The following ZC3H13 variants were observed in gnomAD, a reference collection of about 807,000 sequenced individuals.
The protein encoded by ZC3H13 is zinc finger CCCH domain-containing protein 13.
ZC3H13 carries 64 observed loss-of-function variants against 204.1 expected under a neutral mutation model. That is an observed-to-expected ratio of 0.31 (90% CI 0.26 to 0.39). ZC3H13 has a LOEUF of 0.39. Ranked by LOEUF, ZC3H13 falls within the 10% of genes least tolerant of loss-of-function variation. The pLI is 1.00. For synonymous variants in ZC3H13, 667 were observed against 693.7 expected (o/e 0.96, Z 0.60); for missense variants, 1,833 against 2,082.7 (o/e 0.88, Z 2.33).
chr13:46,010,485 T>G lies in ZC3H13; in HGVS notation c.609A>C (p.Arg203Ser), dbSNP rs1432170021. Residue 203 changes from arginine to serine, a missense_variant, in exon 7 of 19, where the codon AGA becomes AGC. Around this residue, in one of 5 missense-constraint regions of ZC3H13, gnomAD observed 1,574 missense variants for 1,757.2 expected, o/e 0.90. Transcript: ENST00000679008. ...GAGAAGGTGACGGGGACAATTTTGA[T>G]CTAACCACTTCTGGTGAAACCTTTA... is the stretch of plus-strand genomic sequence containing the variant. The part of the protein sequence containing the change: ...IKKEVSPEVV[R>S]SKLSPSPSLR... 1.9e-6 allele frequency: 3 copies of G among 1,612,770 alleles called. No individual in the cohort carries two copies. In the Admixed American group the frequency reaches 5.0e-5, roughly 27 times the overall value.
At chr13:46,045,212 T>C (rs961894026) in intron 2 of ZC3H13, 148 bp from the exon 3 acceptor site, 77 of 971,062 alleles carry the variant, frequency 7.9e-5, no homozygotes, top group Admixed American at 5.3e-4. Context: ...AGGAAAAAAA[T>C]ATGGAAAAAC....
chr13:46,021,482 A>T (rs1333565520), intron 4 of ZC3H13, among the ~76,000 whole-genome samples: 1 of 151,154 alleles, frequency 6.6e-6, no homozygotes, highest in Non-Finnish European at 1.5e-5. Context: ...TAAGTGCTCA[A>T]ATTTCTTTCT....
intron 16 of ZC3H13, 43 bp downstream of exon 16, chr13:45,965,237 T>C: frequency 1.2e-6 from 2 of 1,602,112 alleles, no homozygotes; most frequent in South Asian, 1.1e-5. Context: ...TAATATCATA[T>C]AACAGATAAT....
At chr13:45,996,680 T>C (rs1289344820) in intron 8 of ZC3H13, among the ~76,000 whole-genome samples, 3 of 150,104 alleles carry the variant, frequency 2.0e-5, no homozygotes, top group African/African-American at 4.9e-5. Context: ...GCAGTTCGAG[T>C]AACCCTTATT....
chr13:45,999,803 T>C (rs1186275627), intron 8 of ZC3H13, among the ~76,000 whole-genome samples: 1 of 143,548 alleles, frequency 7.0e-6, no homozygotes. Flanking sequence ...ATGGCAGTTG[T>C]GGCCTTATAA....
intron 4 of ZC3H13, among the ~76,000 whole-genome samples, chr13:46,027,318 C>G: frequency 6.6e-6 from 1 of 152,138 alleles, no homozygotes; most frequent in South Asian, 2.1e-4. Context: ...GTTGCCCAGG[C>G]TGATCTTGAA....
rs767335899 is a variant in ZC3H13 at position 45,989,018 on chromosome 13, T to C, written c.1024A>G (p.Ile342Val). The part of the protein sequence containing the change: ...HSSSSQSGSS[I>V]QRHSPSPRRK... ...CGAGGAGAAGGAGAATGTCTTTGAA[T>C]AGATGATCCTGATTGTGAGGAAGAT... Residue 342 changes from isoleucine to valine, a missense_variant, in exon 9 of 19, where the codon ATT becomes GTT. Around this residue, in one of 5 missense-constraint regions of ZC3H13, gnomAD observed 1,574 missense variants for 1,757.2 expected, o/e 0.90. Transcript: ENST00000679008. 3 of 1,614,134 alleles carry C rather than the reference T, an allele frequency of 1.9e-6. No homozygotes were observed. Among genetic ancestry groups the C allele is most frequent in the Non-Finnish European group, 2.5e-6 (3 of 1,180,024 alleles).
At chr13:45,983,993 A>C (rs964277998) in intron 10 of ZC3H13, among the ~76,000 whole-genome samples, 2 of 152,236 alleles carry the variant, frequency 1.3e-5, no homozygotes, top group Non-Finnish European at 2.9e-5. Flanking sequence ...ACAGTTATTC[A>C]CTAAAGCACT....
At chr13:46,016,677 G>C (rs2041926284) in intron 5 of ZC3H13, among the ~76,000 whole-genome samples, 1 of 152,114 alleles carries the variant, frequency 6.6e-6, no homozygotes, top group South Asian at 2.1e-4. Flanking sequence ...TGTTCAGTCT[G>C]TGAACATCCA....
chr13:46,004,538 T>G (rs192097680), intron 7 of ZC3H13, among the ~76,000 whole-genome samples: 1 of 152,134 alleles, frequency 6.6e-6, no homozygotes, highest in Admixed American at 6.5e-5. Flanking sequence ...AGACTCTAAC[T>G]CAAAATAAAA....
At chr13:46,004,137 A>ACT (rs1326727854) in intron 7 of ZC3H13, among the ~76,000 whole-genome samples, 1 of 78,588 alleles carries the variant, frequency 1.3e-5, no homozygotes, top group Non-Finnish European at 2.4e-5. Flanking sequence ...GGAAATGGTA[A>ACT]CTCTGTGTGT....
chr13:45,976,117 C>A, intron 11 of ZC3H13: 1 of 954,964 alleles, frequency 1.0e-6, no homozygotes, highest in Non-Finnish European at 1.2e-6. Context: ...TCTTTCTCTG[C>A]ATGCTCCCTA....
rs2137906253 is a variant in ZC3H13, at chr13:45,969,464, T to C, written c.3080A>G (p.Lys1027Arg). ...SDEEAAQQSKKKRGPRTPPIT... is the reference protein window; with the variant it reads ...SDEEAAQQSKRKRGPRTPPIT... ...AGGGGGAGTCCGTGGGCCTCTTTTC[T>C]TCTTACTTTGCTGGGCTGCTTCTTC... Residue 1027 changes from lysine (K) to arginine (R), a missense_variant, in exon 14 of 19, where the codon AAG becomes AGG. Coordinates refer to ENST00000679008, the MANE Select transcript of ZC3H13 (RefSeq NM_001330564.2). The C allele has an allele frequency of 1.9e-6, 3 of 1,613,392 alleles. No individual in the cohort carries two copies. In the African/African-American group the frequency reaches 4.0e-5, roughly 22 times the overall value.
intron 7 of ZC3H13, among the ~76,000 whole-genome samples, chr13:46,007,284 G>A (rs2041223585): frequency 6.6e-6 from 1 of 152,098 alleles, no homozygotes; most frequent in Non-Finnish European, 1.5e-5. Context: ...ACCACCTCCA[G>A]GCCCAAATTT....
At chr13:46,038,951 G>C (rs1182519069) in intron 4 of ZC3H13, among the ~76,000 whole-genome samples, 2 of 152,162 alleles carry the variant, frequency 1.3e-5, no homozygotes, top group Non-Finnish European at 2.9e-5. Flanking sequence ...GAACCTAGGA[G>C]GCAGAGGTTG....
intron 5 of ZC3H13, among the ~76,000 whole-genome samples, chr13:46,014,535 T>C (rs1279048578): frequency 6.6e-6 from 1 of 152,254 alleles, no homozygotes; most frequent in African/African-American, 2.4e-5. Context: ...TTTAACCTTT[T>C]TCCAATGAGT....
chr13:45,974,861 T>C (rs1467472879), intron 12 of ZC3H13, among the ~76,000 whole-genome samples: 2 of 152,122 alleles, frequency 1.3e-5, no homozygotes, highest in Admixed American at 6.5e-5. Context: ...AAAACTTTTT[T>C]TTTTTTTCCT....
rs577185812 is a variant in ZC3H13, at chr13:46,039,296, C to T, written c.339+2868G>A. ...TTATGATAAACAACACACTTACATT[C>T]AGTTAACTGTCAACAACCTAAATCT... On this transcript the variant is annotated intron_variant, in intron 4 of 18. Coordinates refer to ENST00000679008, the MANE Select transcript of ZC3H13 (RefSeq NM_001330564.2). Among the ~76,000 whole-genome samples the T allele has an allele frequency of 5.9e-5, 9 of 152,286 alleles. No homozygotes were observed. The South Asian group carries it at 6.2e-4, about 11-fold the overall frequency.
rs1180450418 is a variant in ZC3H13, at chr13:45,956,614, C to A, written c.*513G>T. ...TTAAAAAACTTTCAAAAGGAAAAAACTATTTTGGCTTCCTTCTGCTGAAAT... is the reference window on the plus strand; with the variant it reads ...TTAAAAAACTTTCAAAAGGAAAAAAATATTTTGGCTTCCTTCTGCTGAAAT... On this transcript the variant is annotated 3_prime_UTR_variant, in exon 19 of 19. Coordinates refer to ENST00000679008, the MANE Select transcript of ZC3H13 (RefSeq NM_001330564.2). 6.6e-6 allele frequency: 1 copy of A among 152,100 alleles called. No homozygotes were observed. Among genetic ancestry groups the A allele is most frequent in the Non-Finnish European group, 1.5e-5 (1 of 68,008 alleles). The allele number at this position is 152,100 out of a possible 1,614,324, so 9.4% of individuals were successfully genotyped here.
Sources: allele counts gnomAD v4.1 joint callset (sites outside exome capture counted in the v4.1 genomes callset), GRCh38; gene constraint gnomAD v4.1.1; regional missense constraint gnomAD v4.1.1; transcripts MANE v1.5; gene names NCBI Gene and HGNC (gene_info 2026-07-23, HGNC 2026-07-21).